The following CRYL1 variants were observed in gnomAD, a reference collection of about 807,000 sequenced individuals.
CRYL1 encodes crystallin lambda 1.
Under a neutral mutation model 36.6 loss-of-function variants are expected in CRYL1, and 29 were observed. That is an observed-to-expected ratio of 0.79 (90% CI 0.59 to 1.08). The LOEUF (loss-of-function observed/expected upper bound fraction) is 1.08, where lower values mean the gene tolerates loss of function less well. CRYL1 is among the 50% of genes least tolerant of loss of function. CRYL1 has a pLI of 0.00. For missense variants in CRYL1, 411 were observed against 407.9 expected, an observed-to-expected ratio of 1.01 and a Z score of -0.06; for synonymous variants, 152 against 151.5, an observed-to-expected ratio of 1.00 and a Z score of -0.02.
chr13:20,411,028 C>T (rs1284811760), intron 6 of CRYL1, among the ~76,000 whole-genome samples: 1 of 152,176 alleles, frequency 6.6e-6, no homozygotes, highest in Non-Finnish European at 1.5e-5. Context: ...AAAATAAATC[C>T]TAAAATATTT....
At chr13:20,409,440 C>T (rs529958874) in intron 6 of CRYL1, among the ~76,000 whole-genome samples, 2 of 152,012 alleles carry the variant, frequency 1.3e-5, no homozygotes, top group Non-Finnish European at 2.9e-5. Context: ...TAGAAGAAAA[C>T]CTAGGCATTA....
intron 1 of CRYL1, among the ~76,000 whole-genome samples, chr13:20,516,520 C>G (rs2034000578): frequency 6.6e-6 from 1 of 151,908 alleles, no homozygotes; most frequent in Non-Finnish European, 1.5e-5. Flanking sequence ...TGCTCTGTCG[C>G]CCAGGCTGGA....
At chr13:20,419,046 CA>C (rs1259880579) in intron 5 of CRYL1, 1 of 152,110 alleles carries the variant, frequency 6.6e-6, no homozygotes, top group East Asian at 1.9e-4. Context: ...GGGCAGCGGC[CA>C]AGAAGAAAGG....
At chr13:20,428,316 A>T (rs2031978811) in intron 5 of CRYL1, among the ~76,000 whole-genome samples, 2 of 152,206 alleles carry the variant, frequency 1.3e-5, no homozygotes, top group Non-Finnish European at 2.9e-5. Context: ...GGATGCTAAA[A>T]CAGTAAGTAT....
intron 1 of CRYL1, among the ~76,000 whole-genome samples, chr13:20,522,911 C>CTTTTTTTTTTTTTTTTTTTTTTT (rs386378385): frequency 2.4e-5 from 2 of 82,960 alleles, no homozygotes; most frequent in African/African-American, 9.0e-5. Flanking sequence ...CCCATTTCTA[C>CTTTTTTTTTTTTTTTTTTTTTTT]TTTTTTTTTT....
At chr13:20,508,875 A>AAAAAC (rs1491583448) in intron 2 of CRYL1, among the ~76,000 whole-genome samples, 18 of 13,900 alleles carry the variant, frequency 1.3e-3, no homozygotes, top group African/African-American at 2.4e-3. Flanking sequence ...AAAAAAAAAA[A>AAAAAC]CAAAAAAAAA....
chr13:20,461,383 G>A (rs546951342), intron 3 of CRYL1, among the ~76,000 whole-genome samples: 1 of 152,180 alleles, frequency 6.6e-6, no homozygotes, highest in Non-Finnish European at 1.5e-5. Context: ...TGGGACCTAT[G>A]CTATCTTCTA....
intron 3 of CRYL1, among the ~76,000 whole-genome samples, chr13:20,487,627 C>T (rs772790625): frequency 6.6e-5 from 10 of 152,040 alleles, no homozygotes; most frequent in Non-Finnish European, 1.5e-4. Flanking sequence ...AAAAACTAAA[C>T]TCACGGCTGG....
chr13:20,525,396 T>C lies in CRYL1; in HGVS notation c.41+358A>G, dbSNP rs1394944996. ...GGATCGCAGCCAGAATTCGTTTCAT[T>C]CAACACGGTGCCTGGCACTTCTATG... On this transcript the variant is annotated intron_variant, in intron 1 of 7. Transcript: ENST00000298248. This position sits in a 1 kb window ranked among gnomAD's most constrained non-coding sequence, Gnocchi z 4.3. 2.6e-5 allele frequency among the ~76,000 whole-genome samples: 4 copies of C among 152,122 alleles called. No homozygotes were observed. Among genetic ancestry groups the C allele is most frequent in the Non-Finnish European group, 4.4e-5 (3 of 68,010 alleles).
intron 3 of CRYL1, among the ~76,000 whole-genome samples, chr13:20,457,773 G>A (rs2032721012): frequency 6.6e-6 from 1 of 152,144 alleles, no homozygotes; most frequent in Non-Finnish European, 1.5e-5. Flanking sequence ...GGCTTGTTCT[G>A]CACCAGGCCC....
intron 1 of CRYL1, chr13:20,513,450 C>A (rs181641938): frequency 1.3e-5 from 2 of 152,338 alleles, no homozygotes; most frequent in Non-Finnish European, 2.9e-5. Context: ...ACAGGTCTTA[C>A]CTATGTTAAT....
In CRYL1 at chr13:20,525,522, C is replaced by T. The variant is rs1049484596; in HGVS notation, c.41+232G>A. The stretch of plus-strand genomic sequence containing the variant: ...CGGAACCTCCTGCAACGCTGGCTCC[C>T]GGGAAGCAGACCCAACTCCGCGGGG... On this transcript the variant is annotated intron_variant, in intron 1 of 7. Transcript: ENST00000298248. The surrounding 1 kb of genome is among the most constrained non-coding windows in gnomAD (Gnocchi z 4.3). Among the ~76,000 whole-genome samples, 1 of 152,122 alleles carries T rather than the reference C, an allele frequency of 6.6e-6. No individual in the cohort carries two copies. Among genetic ancestry groups the T allele is most frequent in the Non-Finnish European group, 1.5e-5 (1 of 68,006 alleles).
intron 4 of CRYL1, among the ~76,000 whole-genome samples, chr13:20,436,164 C>T (rs71426010): frequency 0.03 from 4,490 of 152,182 alleles, 97 homozygotes; most frequent in Non-Finnish European, 0.042. Flanking sequence ...GGCCTCTCCC[C>T]CAACGCCCAC....
At chr13:20,456,428 T>G (rs1447452166) in intron 3 of CRYL1, among the ~76,000 whole-genome samples, 1 of 148,902 alleles carries the variant, frequency 6.7e-6, no homozygotes, top group Non-Finnish European at 1.5e-5. Context: ...TGAGCCAAGA[T>G]TCCACCACTG....
At chr13:20,423,191 T>C (rs2031858925) in intron 5 of CRYL1, among the ~76,000 whole-genome samples, 1 of 152,246 alleles carries the variant, frequency 6.6e-6, no homozygotes, top group Admixed American at 6.5e-5. Context: ...GGGTTTTCTA[T>C]ATATGAGATC....
intron 1 of CRYL1, among the ~76,000 whole-genome samples, chr13:20,523,367 T>C (rs570775728): frequency 2.0e-5 from 3 of 152,106 alleles, no homozygotes; most frequent in East Asian, 1.9e-4. Context: ...TAAGGAAGAG[T>C]GAACTTTGGA....
intron 1 of CRYL1, among the ~76,000 whole-genome samples, chr13:20,522,351 C>CA (rs200023427): frequency 0.2 from 27,373 of 139,876 alleles, 2,619 homozygotes; most frequent in East Asian, 0.38. Context: ...GAATCCGTCT[C>CA]AAAAAAAAAA....
At chr13:20,516,047 C>T (rs1565991116) in intron 1 of CRYL1, among the ~76,000 whole-genome samples, 1 of 151,904 alleles carries the variant, frequency 6.6e-6, no homozygotes, top group Non-Finnish European at 1.5e-5. Flanking sequence ...CAAAATTAGC[C>T]AGGTATGGTG....
At chr13:20,474,357 A>G (rs1026870907) in intron 3 of CRYL1, among the ~76,000 whole-genome samples, 1 of 152,140 alleles carries the variant, frequency 6.6e-6, no homozygotes, top group African/African-American at 2.4e-5. Flanking sequence ...CCGTTGCTGC[A>G]TAGGGATGGG....
Sources: gnomAD v4.1 joint callset for allele counts (sites outside exome capture counted in the v4.1 genomes callset) on GRCh38, gnomAD v4.1.1 for gene constraint, Gnocchi (gnomAD v3.1) non-coding constraint, MANE v1.5 for transcripts, NCBI Gene and HGNC (gene_info 2026-07-23, HGNC 2026-07-21) for gene names.